Variants in CSNK1G1 observed in about 807,000 individuals in gnomAD.
CSNK1G1 encodes casein kinase 1 gamma 1.
A neutral mutation model predicts 59.6 loss-of-function variants in CSNK1G1; 22 were observed. The observed-to-expected ratio is 0.37, with a 90% CI of 0.26 to 0.53. The LOEUF is 0.53. Ranked by LOEUF, CSNK1G1 falls within the 20% of genes least tolerant of loss-of-function variation. CSNK1G1 has a pLI of 0.89. For missense variants in CSNK1G1, 384 were observed against 519.5 expected (o/e 0.74, Z 2.54); for synonymous variants, 179 against 177.1 (o/e 1.01, Z -0.08).
intron 1 of CSNK1G1, among the ~76,000 whole-genome samples, chr15:64,310,354 A>G (rs1381386034): frequency 6.6e-6 from 1 of 152,060 alleles, no homozygotes; most frequent in Non-Finnish European, 1.5e-5. Flanking sequence ...CAACAGGAAA[A>G]GGGACATATG....
intron 3 of CSNK1G1, 134 bp downstream of exon 3, chr15:64,259,067 A>C: frequency 1.6e-6 from 1 of 642,558 alleles, no homozygotes; most frequent in East Asian, 2.8e-5. Context: ...ATGAAGAAAA[A>C]TGTGGGATCA....
In CSNK1G1 at chr15:64,200,566, G is replaced by A. The variant is rs2082093749; in HGVS notation, c.1107+2516C>T. Among the ~76,000 whole-genome samples, 1 of 152,108 alleles carries A rather than the reference G, an allele frequency of 6.6e-6. No individual in the cohort carries two copies. Among genetic ancestry groups the A allele is most frequent in the Non-Finnish European group, 1.5e-5 (1 of 68,016 alleles). ...TCACCATGTTGGCCAGGCTGGTCTCGAACTCCTGACCTCAGGTGATCGACC... is the reference window on the plus strand; with the variant it reads ...TCACCATGTTGGCCAGGCTGGTCTCAAACTCCTGACCTCAGGTGATCGACC... On this transcript the variant is annotated intron_variant, in intron 10 of 11. Transcript: ENST00000303052. The surrounding 1 kb of genome is among the most constrained non-coding windows in gnomAD (Gnocchi z 4.3).
At chr15:64,221,765 G>T (rs1268270916) in intron 4 of CSNK1G1, among the ~76,000 whole-genome samples, 2 of 151,972 alleles carry the variant, frequency 1.3e-5, no homozygotes, top group African/African-American at 4.8e-5. Context: ...TTATTAAAAA[G>T]TCAGGAAACA....
intron 11 of CSNK1G1, among the ~76,000 whole-genome samples, chr15:64,178,907 T>C (rs1334343233): frequency 6.6e-6 from 1 of 151,900 alleles, no homozygotes; most frequent in African/African-American, 2.4e-5. Flanking sequence ...CATACCACCA[T>C]GCCCAGCTAA....
intron 2 of CSNK1G1, among the ~76,000 whole-genome samples, chr15:64,292,855 G>T (rs1271550038): frequency 6.6e-6 from 1 of 152,112 alleles, no homozygotes; most frequent in African/African-American, 2.4e-5. Flanking sequence ...TTGAACCTGG[G>T]AGGCAGAGGT....
intron 1 of CSNK1G1, among the ~76,000 whole-genome samples, chr15:64,312,243 GA>G (rs1566943531): frequency 1.3e-5 from 2 of 152,184 alleles, no homozygotes; most frequent in East Asian, 3.9e-4. Flanking sequence ...CACAGAATTG[GA>G]AAAAACTACT....
chr15:64,291,554 C>T (rs112315521), intron 2 of CSNK1G1, among the ~76,000 whole-genome samples: 6,621 of 152,260 alleles, frequency 0.043, 189 homozygotes, highest in South Asian at 0.082. Context: ...TGCCATTGCA[C>T]TCCAGCCTGG....
chr15:64,240,392 GA>G (rs1315991024), intron 4 of CSNK1G1, among the ~76,000 whole-genome samples: 1 of 152,098 alleles, frequency 6.6e-6, no homozygotes, highest in Non-Finnish European at 1.5e-5. Flanking sequence ...AATAACAACT[GA>G]AAATTTTTCA....
intron 3 of CSNK1G1, among the ~76,000 whole-genome samples, chr15:64,254,299 G>C (rs1389812709): frequency 6.6e-6 from 1 of 151,876 alleles, no homozygotes; most frequent in Non-Finnish European, 1.5e-5. Flanking sequence ...AAGTTCTGGA[G>C]ATGGATGGTG....
At chr15:64,258,393 A>T (rs571573867) in intron 3 of CSNK1G1, among the ~76,000 whole-genome samples, 21 of 151,622 alleles carry the variant, frequency 1.4e-4, no homozygotes, top group Admixed American at 3.9e-4. Context: ...CAAAAAAAAA[A>T]AAATAAAGAA....
chr15:64,249,518 T>C (rs1891956131), intron 4 of CSNK1G1, among the ~76,000 whole-genome samples: 1 of 152,164 alleles, frequency 6.6e-6, no homozygotes, highest in Non-Finnish European at 1.5e-5. Context: ...GACCTTTACA[T>C]GTTTGTTAGA....
chr15:64,260,863 C>T (rs1303655539), intron 2 of CSNK1G1, among the ~76,000 whole-genome samples: 2 of 152,066 alleles, frequency 1.3e-5, no homozygotes, highest in Non-Finnish European at 2.9e-5. Flanking sequence ...CATCAGATTG[C>T]GAGTACCTTT....
chr15:64,225,213 T>G (rs780156550), intron 4 of CSNK1G1, among the ~76,000 whole-genome samples: 3 of 152,012 alleles, frequency 2.0e-5, no homozygotes, highest in Non-Finnish European at 2.9e-5. Context: ...TTCACCATGT[T>G]AGCCAGGCTG....
At chr15:64,352,564 G>T (rs1200558314) in intron 1 of CSNK1G1, among the ~76,000 whole-genome samples, 1 of 140,360 alleles carries the variant, frequency 7.1e-6, no homozygotes, top group Non-Finnish European at 1.5e-5. Flanking sequence ...TCTTGCCTCA[G>T]CCTCCCGAGT....
At chr15:64,232,339 C>T (rs1444622276) in intron 4 of CSNK1G1, among the ~76,000 whole-genome samples, 2 of 152,088 alleles carry the variant, frequency 1.3e-5, no homozygotes, top group Non-Finnish European at 2.9e-5. Context: ...AAGGGCTTAG[C>T]TAGCAGCTAG....
At chr15:64,198,292 G>A (rs1375462645) in intron 10 of CSNK1G1, among the ~76,000 whole-genome samples, 6 of 140,150 alleles carry the variant, frequency 4.3e-5, no homozygotes, top group South Asian at 2.3e-4. Flanking sequence ...CACAACCTCC[G>A]CCTCCCAGGT....
chr15:64,289,771 A>G (rs986456606), intron 2 of CSNK1G1, among the ~76,000 whole-genome samples: 2 of 152,146 alleles, frequency 1.3e-5, no homozygotes, highest in Non-Finnish European at 2.9e-5. Flanking sequence ...ACAATAACAA[A>G]AAACCGTATA....
At chr15:64,235,484 G>A (rs2082602760) in intron 4 of CSNK1G1, among the ~76,000 whole-genome samples, 1 of 152,170 alleles carries the variant, frequency 6.6e-6, no homozygotes, top group Admixed American at 6.5e-5. Context: ...TGGCAAACCA[G>A]AGTGATGCCT....
chr15:64,233,648 T>C (rs903729178), intron 4 of CSNK1G1, among the ~76,000 whole-genome samples: 1 of 152,178 alleles, frequency 6.6e-6, no homozygotes. Flanking sequence ...GACACACAAC[T>C]GGAAAATTCG....
Sources: allele counts gnomAD v4.1 joint callset (sites outside exome capture counted in the v4.1 genomes callset), GRCh38; gene constraint gnomAD v4.1.1; non-coding constraint Gnocchi (gnomAD v3.1); transcripts MANE v1.5; gene names NCBI Gene and HGNC (gene_info 2026-07-23, HGNC 2026-07-21).